DTD1: variants seen among roughly 807,000 people sequenced by gnomAD.
DTD1 encodes D-aminoacyl-tRNA deacylase 1.
Under a neutral mutation model 25.6 loss-of-function variants are expected in DTD1, and 13 were observed. That is an observed-to-expected ratio of 0.51 (90% confidence interval 0.33 to 0.81). The LOEUF is 0.81. Ranked by LOEUF, DTD1 falls within the 30% of genes least tolerant of loss-of-function variation. The probability of loss-of-function intolerance (pLI) is 0.02; values close to 1 mark genes in which losing one functional copy is unlikely to be tolerated. For synonymous variants in DTD1, 110 were observed against 103.6 expected, an observed-to-expected ratio of 1.06 and a Z score of -0.37; for missense variants, 193 against 266.4, an observed-to-expected ratio of 0.72 and a Z score of 1.92.
chr20:18,649,322 CTTTCTTTTTTTTTTT>C (rs2122351492), intron 4 of DTD1, among the ~76,000 whole-genome samples: 1 of 47,648 alleles, frequency 2.1e-5, no homozygotes, highest in East Asian at 9.5e-4. Flanking sequence ...AGCCATTCAT[CTTTCTTTTTTTTTTT>C]TTTTTTTTTT....
At chr20:18,717,670 A>G (rs1045101854) in intron 4 of DTD1, among the ~76,000 whole-genome samples, 1 of 152,198 alleles carries the variant, frequency 6.6e-6, no homozygotes, top group Non-Finnish European at 1.5e-5. Context: ...GTGTTATTCA[A>G]AGGTCAACTG....
At chr20:18,595,269 C>A in intron 2 of DTD1, among the ~76,000 whole-genome samples, 1 of 150,054 alleles carries the variant, frequency 6.7e-6, no homozygotes, top group Admixed American at 6.6e-5. Context: ...ATTGTTCTTT[C>A]TTTTTTTTTT....
intron 4 of DTD1, among the ~76,000 whole-genome samples, chr20:18,742,550 G>A (rs1885752478): frequency 1.3e-5 from 2 of 152,188 alleles, no homozygotes; most frequent in South Asian, 2.1e-4. Context: ...CTGTGCATGC[G>A]GGGGATCTAG....
At chr20:18,737,616 A>G (rs576067579) in intron 4 of DTD1, among the ~76,000 whole-genome samples, 5 of 152,334 alleles carry the variant, frequency 3.3e-5, no homozygotes, top group African/African-American at 7.2e-5. Context: ...TGACAGGCAC[A>G]CAGGGCCCTT....
intron 4 of DTD1, among the ~76,000 whole-genome samples, 159 bp from the exon 5 acceptor site, chr20:18,743,941 C>T (rs1448365310): frequency 3.3e-5 from 5 of 152,190 alleles, no homozygotes; most frequent in Non-Finnish European, 7.3e-5. Flanking sequence ...GTTGGAAAAA[C>T]ATTCTGTGTA....
intron 2 of DTD1, among the ~76,000 whole-genome samples, chr20:18,594,780 G>A (rs1031901543): frequency 6.6e-6 from 1 of 152,220 alleles, no homozygotes; most frequent in Admixed American, 6.5e-5. Context: ...AAGTGGTAGA[G>A]TGGTGTAATG....
chr20:18,662,238 T>C (rs1032362889), intron 4 of DTD1, among the ~76,000 whole-genome samples: 5 of 152,164 alleles, frequency 3.3e-5, no homozygotes, highest in Non-Finnish European at 7.3e-5. Context: ...CCTTGTTAGA[T>C]AGGTAAAAAT....
intron 3 of DTD1, among the ~76,000 whole-genome samples, chr20:18,601,197 C>G (rs2060632708): frequency 6.6e-6 from 1 of 151,968 alleles, no homozygotes; most frequent in Non-Finnish European, 1.5e-5. Context: ...TACTGTTTAT[C>G]AAGTTGAAGA....
chr20:18,673,629 G>A (rs765926399), intron 4 of DTD1, among the ~76,000 whole-genome samples: 4 of 152,074 alleles, frequency 2.6e-5, no homozygotes, highest in African/African-American at 4.8e-5. Flanking sequence ...CTAAAATGAC[G>A]TTAAAAAAAT....
At chr20:18,668,803 C>T (rs2060941414) in intron 4 of DTD1, among the ~76,000 whole-genome samples, 1 of 152,164 alleles carries the variant, frequency 6.6e-6, no homozygotes, top group African/African-American at 2.4e-5. Context: ...TGCCCTTTTC[C>T]AGATTTTTCT....
chr20:18,591,984 T>G (rs191661322), intron 1 of DTD1, among the ~76,000 whole-genome samples: 1 of 152,274 alleles, frequency 6.6e-6, no homozygotes, highest in African/African-American at 2.4e-5. Flanking sequence ...ATAAAGAAAT[T>G]AAGCATTACT....
intron 3 of DTD1, among the ~76,000 whole-genome samples, chr20:18,597,887 C>G (rs1196423401): frequency 6.6e-6 from 1 of 152,106 alleles, no homozygotes; most frequent in Non-Finnish European, 1.5e-5. Context: ...GGAACATAGT[C>G]ATTGTAGGTT....
chr20:18,756,892 C>T (rs1213854774), intron 5 of DTD1, among the ~76,000 whole-genome samples: 2 of 150,978 alleles, frequency 1.3e-5, no homozygotes, highest in Non-Finnish European at 3.0e-5. Flanking sequence ...TTGATTCTTC[C>T]TACCCATGAG....
chr20:18,619,582 G>A (rs1374499057), intron 3 of DTD1, among the ~76,000 whole-genome samples: 6 of 151,886 alleles, frequency 4.0e-5, no homozygotes, highest in South Asian at 2.1e-4. Flanking sequence ...ACACCGCCAC[G>A]CCTGGCTAAT....
At chr20:18,727,541 C>T (rs928394897) in intron 4 of DTD1, among the ~76,000 whole-genome samples, 1 of 152,120 alleles carries the variant, frequency 6.6e-6, no homozygotes, top group African/African-American at 2.4e-5. Flanking sequence ...AGACGTTATT[C>T]TGTAATGAGT....
chr20:18,745,856 T>A (rs73268469), intron 5 of DTD1, among the ~76,000 whole-genome samples: 3,906 of 152,182 alleles, frequency 0.026, 178 homozygotes, highest in African/African-American at 0.09. Context: ...AGTGTACAAG[T>A]GACATCATCA....
chr20:18,704,557 T>C (rs2061118574), intron 4 of DTD1, among the ~76,000 whole-genome samples: 1 of 152,178 alleles, frequency 6.6e-6, no homozygotes, highest in African/African-American at 2.4e-5. Context: ...AATTTTGTTG[T>C]TGTCACTGTT....
intron 4 of DTD1, among the ~76,000 whole-genome samples, chr20:18,645,706 G>T (rs1390654896): frequency 6.6e-6 from 1 of 152,142 alleles, no homozygotes. Flanking sequence ...TTATGTTTTG[G>T]TACCTGGGTT....
intron 5 of DTD1, among the ~76,000 whole-genome samples, chr20:18,761,019 T>C (rs1189261629): frequency 6.6e-6 from 1 of 152,110 alleles, no homozygotes; most frequent in East Asian, 1.9e-4. Context: ...TCTGTGGGCG[T>C]AGGACCCTCA....
Sources: allele counts gnomAD v4.1 joint callset (sites outside exome capture counted in the v4.1 genomes callset), GRCh38; gene constraint gnomAD v4.1.1; transcripts MANE v1.5; gene names NCBI Gene and HGNC (gene_info 2026-07-23, HGNC 2026-07-21).